The following NSMCE2 variants were observed in gnomAD, a reference collection of about 807,000 sequenced individuals.
The protein encoded by NSMCE2 is E3 SUMO-protein ligase NSE2.
NSMCE2 carries 24 observed loss-of-function variants against 23.8 expected under a neutral mutation model. The ratio of observed to expected loss-of-function variants is 1.01; its 90% CI spans 0.73 to 1.42. The LOEUF is 1.42. Among genes scored for constraint, NSMCE2 ranks in the 40% most tolerant of loss-of-function variants. NSMCE2 has a pLI of 0.00. For synonymous variants in NSMCE2, 92 were observed against 94.1 expected (o/e 0.98, Z 0.13); for missense variants, 284 against 296.5 (o/e 0.96, Z 0.31).
At chr8:125,232,995 A>G (rs945622858) in intron 5 of NSMCE2, among the ~76,000 whole-genome samples, 5 of 152,312 alleles carry the variant, frequency 3.3e-5, no homozygotes, top group South Asian at 4.1e-4. Flanking sequence ...CCAGGGTTGT[A>G]ACTAGTTCTG....
intron 5 of NSMCE2, among the ~76,000 whole-genome samples, chr8:125,214,749 A>C (rs1207098912): frequency 6.6e-6 from 1 of 151,842 alleles, no homozygotes; most frequent in Non-Finnish European, 1.5e-5. Flanking sequence ...TTGATACACT[A>C]TTATTGAGTT....
chr8:125,255,973 G>A (rs528123387), intron 5 of NSMCE2, among the ~76,000 whole-genome samples: 1 of 152,212 alleles, frequency 6.6e-6, no homozygotes, highest in East Asian at 1.9e-4. Flanking sequence ...TTAAAAAGAA[G>A]TATTTAGAGG....
intron 4 of NSMCE2, 101 bp from the exon 5 acceptor site, chr8:125,182,002 T>C (rs973890497): frequency 9.2e-5 from 81 of 878,444 alleles, no homozygotes; most frequent in Non-Finnish European, 1.3e-4. Context: ...AACCTCACTA[T>C]CTTTTGCTTT....
chr8:125,296,519 C>T (rs572410745), intron 5 of NSMCE2, among the ~76,000 whole-genome samples: 22 of 151,888 alleles, frequency 1.4e-4, no homozygotes, highest in Middle Eastern at 3.4e-3. Flanking sequence ...CTCAGCCTCC[C>T]TAGTAGCTGG....
chr8:125,298,710 TTTCCC>T (rs1335069871), intron 5 of NSMCE2, among the ~76,000 whole-genome samples: 329 of 151,516 alleles, frequency 2.2e-3, no homozygotes, highest in African/African-American at 7.4e-3. Context: ...TTTTTTTTTT[TTTCCC>T]CAGTTTAGGT....
chr8:125,131,858 A>G (rs187143462), intron 3 of NSMCE2, among the ~76,000 whole-genome samples: 1 of 152,304 alleles, frequency 6.6e-6, no homozygotes, highest in East Asian at 1.9e-4. Flanking sequence ...GCCTTGCACA[A>G]GTAGGTGCAC....
intron 5 of NSMCE2, among the ~76,000 whole-genome samples, chr8:125,350,124 G>T (rs1324381164): frequency 2.0e-5 from 3 of 152,208 alleles, no homozygotes; most frequent in Admixed American, 6.5e-5. Flanking sequence ...GTGAGCAAGA[G>T]AATGAAGGCC....
At chr8:125,299,637 A>G (rs756529644) in intron 5 of NSMCE2, among the ~76,000 whole-genome samples, 1 of 152,050 alleles carries the variant, frequency 6.6e-6, no homozygotes, top group Non-Finnish European at 1.5e-5. Flanking sequence ...AAGCCAAACC[A>G]TATTAAGCAC....
intron 5 of NSMCE2, among the ~76,000 whole-genome samples, chr8:125,225,033 A>G (rs921458088): frequency 2.0e-5 from 3 of 152,188 alleles, no homozygotes; most frequent in South Asian, 2.1e-4. Context: ...TACTTTTGCT[A>G]AAGTCTGTGT....
At chr8:125,097,022 A>C (rs1817972751) in intron 1 of NSMCE2, among the ~76,000 whole-genome samples, 1 of 151,964 alleles carries the variant, frequency 6.6e-6, no homozygotes, top group African/African-American at 2.4e-5. Flanking sequence ...ATGTTTTTCC[A>C]TCTTTTTGTG....
intron 4 of NSMCE2, among the ~76,000 whole-genome samples, chr8:125,177,894 CT>C (rs1362424698): frequency 6.6e-6 from 1 of 152,190 alleles, no homozygotes; most frequent in African/African-American, 2.4e-5. Flanking sequence ...GGTAACTTCA[CT>C]TCAAAGTCTT....
intron 4 of NSMCE2, among the ~76,000 whole-genome samples, chr8:125,166,318 G>A (rs1009959681): frequency 6.6e-6 from 1 of 152,152 alleles, no homozygotes; most frequent in Non-Finnish European, 1.5e-5. Flanking sequence ...CCAGGCTGGA[G>A]TGCAGTGGCG....
At chr8:125,208,896 G>A (rs1457368229) in intron 5 of NSMCE2, among the ~76,000 whole-genome samples, 1 of 152,218 alleles carries the variant, frequency 6.6e-6, no homozygotes, top group East Asian at 1.9e-4. Flanking sequence ...TAGAAAGACT[G>A]TAGAAAACAT....
At chr8:125,107,923 A>G (rs1252910171) in intron 3 of NSMCE2, among the ~76,000 whole-genome samples, 1 of 152,026 alleles carries the variant, frequency 6.6e-6, no homozygotes, top group Non-Finnish European at 1.5e-5. Flanking sequence ...AGTCCCAGCT[A>G]CTCAGAAGGC....
At chr8:125,181,530 A>G (rs1010247777) in intron 4 of NSMCE2, among the ~76,000 whole-genome samples, 8 of 152,098 alleles carry the variant, frequency 5.3e-5, no homozygotes, top group Admixed American at 2.0e-4. Flanking sequence ...ATATTGGGAA[A>G]TAATTTTATA....
chr8:125,267,706 G>T (rs1586694679), intron 5 of NSMCE2, among the ~76,000 whole-genome samples: 1 of 152,318 alleles, frequency 6.6e-6, no homozygotes, highest in East Asian at 1.9e-4. Context: ...GAGCCCAGGA[G>T]GTTGAGGCTG....
intron 5 of NSMCE2, among the ~76,000 whole-genome samples, chr8:125,331,025 G>GGT (rs1829854177): frequency 6.6e-6 from 1 of 152,198 alleles, no homozygotes; most frequent in South Asian, 2.1e-4. Flanking sequence ...AAGGTGACTG[G>GGT]GCGCGGTGGC....
rs375210742 is a variant in NSMCE2, at chr8:125,261,759, C to A, written c.418+79503C>A. On this transcript the variant is annotated intron_variant, in intron 5 of 7. Transcript: ENST00000287437. ...ATGTAAAGAAGTAAAAAAAAAAAAACAAAAACAAAACAGCTTAGAAGCTTT... is the reference window on the plus strand; with the variant it reads ...ATGTAAAGAAGTAAAAAAAAAAAAAAAAAAACAAAACAGCTTAGAAGCTTT... 8.5e-4 allele frequency among the ~76,000 whole-genome samples: 125 copies of A among 147,536 alleles called. 1 individual carries two copies. The highest frequency in any genetic ancestry group is 4.6e-3 in the East Asian group (23 of 5,042).
At chr8:125,217,699 C>T (rs1347033419) in intron 5 of NSMCE2, among the ~76,000 whole-genome samples, 1 of 152,046 alleles carries the variant, frequency 6.6e-6, no homozygotes, top group Non-Finnish European at 1.5e-5. Context: ...CATGAGTCTT[C>T]GATTAGGCTG....
Sources: allele counts gnomAD v4.1 joint callset (sites outside exome capture counted in the v4.1 genomes callset), GRCh38; gene constraint gnomAD v4.1.1; transcripts MANE v1.5; gene names NCBI Gene and HGNC (gene_info 2026-07-23, HGNC 2026-07-21).